The following GRM7 variants were observed in gnomAD, a reference collection of about 807,000 sequenced individuals.
The protein encoded by GRM7 is metabotropic glutamate receptor 7.
GRM7 carries 35 observed loss-of-function variants against 84.5 expected under a neutral mutation model. The observed-to-expected ratio is 0.41, with a 90% CI of 0.32 to 0.55. The LOEUF is 0.55. Among genes scored for constraint, GRM7 ranks in the 20% least tolerant of loss-of-function variants. The pLI is 0.19. For synonymous variants in GRM7, 487 were observed against 455.1 expected, an observed-to-expected ratio of 1.07 and a Z score of -0.89; for missense variants, 1,003 against 1,194.6, an observed-to-expected ratio of 0.84 and a Z score of 2.36.
chr3:7,213,991 T>C (rs1482691384), intron 2 of GRM7, among the ~76,000 whole-genome samples: 1 of 152,196 alleles, frequency 6.6e-6, no homozygotes, highest in Non-Finnish European at 1.5e-5. Context: ...ATCTCATTAC[T>C]GGATATTTTT....
At chr3:6,992,892 G>A (rs2124859442) in intron 1 of GRM7, among the ~76,000 whole-genome samples, 1 of 152,344 alleles carries the variant, frequency 6.6e-6, no homozygotes, top group East Asian at 1.9e-4. Context: ...AGACAATGCA[G>A]CACCCTGTGA....
At chr3:7,323,343 G>T (rs1700859000) in intron 4 of GRM7, among the ~76,000 whole-genome samples, 1 of 152,080 alleles carries the variant, frequency 6.6e-6, no homozygotes, top group Non-Finnish European at 1.5e-5. Context: ...CATGTCCCAG[G>T]CTAGCAGCCC....
chr3:7,415,231 G>C (rs1696112803), intron 5 of GRM7, 68 bp downstream of exon 5: 17 of 1,315,240 alleles, frequency 1.3e-5, no homozygotes, highest in Non-Finnish European at 1.8e-5. Context: ...CTGCATAGCT[G>C]ACAGAAGGAA....
chr3:6,943,883 G>A (rs143025306), intron 1 of GRM7, among the ~76,000 whole-genome samples: 6 of 151,884 alleles, frequency 4.0e-5, no homozygotes, highest in Non-Finnish European at 8.8e-5. Context: ...TTAAGTGTAC[G>A]GGTGTTGTAC....
rs17046883 is a variant in GRM7 at position 7,151,524 on chromosome 3, A to G, written c.736+4856A>G. 4.5e-3 allele frequency among the ~76,000 whole-genome samples: 683 copies of G among 152,282 alleles called. 3 individuals carry two copies. The highest frequency in any genetic ancestry group is 0.015 in the African/African-American group (644 of 41,568). ...CTCTCCTTCACAGATACAATGTTCTATCTTGTGGTGTGCATTGCCCATTGT... is the reference window on the plus strand; with the variant it reads ...CTCTCCTTCACAGATACAATGTTCTGTCTTGTGGTGTGCATTGCCCATTGT... On this transcript the variant is annotated intron_variant, in intron 2 of 9. Transcript: ENST00000357716. This position sits in a 1 kb window ranked among gnomAD's most constrained non-coding sequence, Gnocchi z 4.5.
chr3:7,409,023 C>A (rs1444220182), intron 4 of GRM7, among the ~76,000 whole-genome samples: 1 of 152,152 alleles, frequency 6.6e-6, no homozygotes. Context: ...TTCTCATGTG[C>A]AATTGGGTCT....
intron 7 of GRM7, among the ~76,000 whole-genome samples, chr3:7,514,336 G>T (rs182053304): frequency 1.4e-3 from 210 of 152,318 alleles, no homozygotes; most frequent in African/African-American, 4.2e-3. Context: ...TGCAACAAAA[G>T]TACATGAAAT....
chr3:7,370,201 G>T (rs1694073426), intron 4 of GRM7, among the ~76,000 whole-genome samples: 1 of 152,190 alleles, frequency 6.6e-6, no homozygotes, highest in African/African-American at 2.4e-5. Flanking sequence ...ATGATACTGA[G>T]AATTTTTTTT....
intron 9 of GRM7, among the ~76,000 whole-genome samples, chr3:7,717,893 T>C (rs1028111354): frequency 6.6e-6 from 1 of 152,260 alleles, no homozygotes; most frequent in Non-Finnish European, 1.5e-5. Context: ...ATCAGAGGTA[T>C]GGTAGTACAT....
intron 1 of GRM7, among the ~76,000 whole-genome samples, chr3:7,050,189 TTCATAA>T (rs2124953476): frequency 6.6e-6 from 1 of 152,044 alleles, no homozygotes; most frequent in Admixed American, 6.6e-5. Context: ...GTTCCACACA[TTCATAA>T]CTTTGAAATT....
At chr3:7,323,985 T>A (rs1700885078) in intron 4 of GRM7, among the ~76,000 whole-genome samples, 1 of 152,178 alleles carries the variant, frequency 6.6e-6, no homozygotes, top group Non-Finnish European at 1.5e-5. Flanking sequence ...ACCCTTGCTT[T>A]CTTTAAATCT....
At chr3:7,655,524 G>C (rs1699139300) in intron 8 of GRM7, among the ~76,000 whole-genome samples, 1 of 152,192 alleles carries the variant, frequency 6.6e-6, no homozygotes, top group Non-Finnish European at 1.5e-5. Context: ...TTGAAGTTGA[G>C]GGTCACTATT....
chr3:7,347,507 G>A (rs1483551309), intron 4 of GRM7, among the ~76,000 whole-genome samples: 2 of 152,138 alleles, frequency 1.3e-5, no homozygotes, highest in African/African-American at 2.4e-5. Context: ...GGAGTAAAAT[G>A]TTTCTGTCAC....
At chr3:6,963,492 G>A (rs1693383290) in intron 1 of GRM7, among the ~76,000 whole-genome samples, 4 of 152,142 alleles carry the variant, frequency 2.6e-5, no homozygotes. Context: ...TGGGCATGGC[G>A]GTGCAATCTG....
intron 3 of GRM7, 73 bp downstream of exon 3, chr3:7,298,898 T>C: frequency 1.5e-6 from 2 of 1,338,520 alleles, no homozygotes; most frequent in Non-Finnish European, 2.1e-6. Flanking sequence ...GGCTGCTGGC[T>C]GAGACAGGAA....
intron 4 of GRM7, among the ~76,000 whole-genome samples, chr3:7,325,930 C>T (rs1700966759): frequency 6.6e-6 from 1 of 152,080 alleles, no homozygotes; most frequent in South Asian, 2.1e-4. Context: ...CGAGAAACAG[C>T]ACCAAAGCCA....
At chr3:7,426,404 C>T (rs1357709044) in intron 5 of GRM7, among the ~76,000 whole-genome samples, 1 of 152,162 alleles carries the variant, frequency 6.6e-6, no homozygotes, top group Non-Finnish European at 1.5e-5. Context: ...ACTCCTGGGA[C>T]TCTGATGTTC....
At chr3:7,408,872 G>A (rs992585512) in intron 4 of GRM7, among the ~76,000 whole-genome samples, 3 of 152,134 alleles carry the variant, frequency 2.0e-5, no homozygotes, top group Non-Finnish European at 2.9e-5. Context: ...TTTCTTGTGG[G>A]ATTATATGTT....
intron 7 of GRM7, among the ~76,000 whole-genome samples, chr3:7,546,537 T>A (rs1693160732): frequency 6.6e-6 from 1 of 152,232 alleles, no homozygotes; most frequent in Admixed American, 6.5e-5. Flanking sequence ...TGCTATGCCC[T>A]ACAGAGAAGC....
Sources: gnomAD v4.1 joint callset for allele counts (sites outside exome capture counted in the v4.1 genomes callset) on GRCh38, gnomAD v4.1.1 for gene constraint, Gnocchi (gnomAD v3.1) non-coding constraint, MANE v1.5 for transcripts, NCBI Gene and HGNC (gene_info 2026-07-23, HGNC 2026-07-21) for gene names.